The following SNAP47 variants were observed in gnomAD, a reference collection of about 807,000 sequenced individuals.
SNAP47 encodes the protein synaptosome associated protein 47.
SNAP47 carries 20 observed loss-of-function variants against 31.4 expected under a neutral mutation model. The ratio of observed to expected loss-of-function variants is 0.64; its 90% CI spans 0.45 to 0.93. The LOEUF is 0.93. SNAP47 is among the 40% of genes least tolerant of loss of function. The pLI is 0.00. For missense variants in SNAP47, 492 were observed against 528.5 expected (o/e 0.93, Z 0.68); for synonymous variants, 194 against 213.4 (o/e 0.91, Z 0.79).
At chr1:227,760,129 G>A (rs1662971064) in intron 3 of SNAP47, among the ~76,000 whole-genome samples, 1 of 152,204 alleles carries the variant, frequency 6.6e-6, no homozygotes, top group South Asian at 2.1e-4. Flanking sequence ...CTCAGTTATG[G>A]TGATGCAGAA....
intron 3 of SNAP47, among the ~76,000 whole-genome samples, chr1:227,764,188 C>T (rs1473441751): frequency 2.0e-5 from 3 of 152,182 alleles, no homozygotes; most frequent in Admixed American, 2.0e-4. Context: ...CCTTACAGAA[C>T]CAAATTAAGC....
rs912035131 is a variant in SNAP47, at chr1:227,776,141, C to T, written c.1114-4386C>T. 2.9e-5 allele frequency: 34 copies of T among 1,161,460 alleles called. 1 individual carries two copies. In the South Asian group the frequency reaches 4.2e-4, roughly 14 times the overall value. 71.9% of individuals were successfully genotyped at this position (1,161,460 alleles called of 1,614,324 possible). ...CCCTTCCTGGCTCTGACGCCCTCAG[C>T]GGGTCCCACAAGCCGCTCAGGACCA... is the stretch of plus-strand genomic sequence containing the variant. On this transcript the variant is annotated intron_variant, in intron 4 of 4. Coordinates refer to ENST00000617596, the MANE Select transcript of SNAP47 (RefSeq NM_053052.4).
chr1:227,758,763 T>A (rs1408442463), intron 2 of SNAP47, among the ~76,000 whole-genome samples: 1 of 151,284 alleles, frequency 6.6e-6, no homozygotes, highest in African/African-American at 2.4e-5. Context: ...GCTGTCTTTT[T>A]GCTGGTTGGC....
Position 227,759,459 on chromosome 1 carries a change from A to G in SNAP47, c.962A>G (p.Glu321Gly). The G allele has an allele frequency of 1.2e-6, 2 of 1,614,134 alleles. No individual in the cohort carries two copies. Among genetic ancestry groups the G allele is most frequent in the Non-Finnish European group, 1.7e-6 (2 of 1,180,008 alleles). The change falls in exon 3 of 5, where the codon GAG becomes GGG. Residue 321 changes from glutamate to glycine, a missense_variant. By Grantham distance (98) the Glu-to-Gly change is moderately conservative (BLOSUM62 -2). Coordinates refer to ENST00000617596, the MANE Select transcript of SNAP47 (RefSeq NM_053052.4). ...AGCGCAAGAACCTCTTCCCCCGCAG[A>G]GAAGAGCTGCTCAGTCTGGCATGCA... ...LRSARTSSPAEKSCSVWHAAS... is the reference protein window; with the variant it reads ...LRSARTSSPAGKSCSVWHAAS...
chr1:227,772,628 A>G (rs945198979), intron 4 of SNAP47, among the ~76,000 whole-genome samples: 7 of 152,140 alleles, frequency 4.6e-5, no homozygotes, highest in Admixed American at 4.6e-4. Context: ...ATCAAGGGAA[A>G]TGCTCTAAGA....
In SNAP47 at chr1:227,747,721, A is replaced by G; in HGVS notation, c.-16A>G. The G allele has an allele frequency of 4.4e-6, 7 of 1,608,726 alleles. No individual in the cohort carries two copies. The highest frequency in any genetic ancestry group is 6.0e-6 in the Non-Finnish European group (7 of 1,175,920). On this transcript the variant is annotated 5_prime_UTR_variant, in exon 2 of 5. Coordinates refer to ENST00000617596, the MANE Select transcript of SNAP47 (RefSeq NM_053052.4). ...AGAAGAGGCCTGGACCTTGGCGCAC[A>G]CAGACCCAGGAACAGATGAGCAGGG...
Position 227,759,319 on chromosome 1 carries a change from A to C in SNAP47, c.822A>C (p.Gly274=), listed in dbSNP as rs1212007827. 1 of 1,614,258 alleles carries C rather than the reference A, an allele frequency of 6.2e-7. No individual in the cohort carries two copies. The highest frequency in any genetic ancestry group is 1.1e-5 in the South Asian group (1 of 91,090). ...YEISIRQRFI[G]KPDMAYRLIS... ...TTAGCATCCGCCAGCGGTTTATTGG[A>C]AAGCCAGACATGGCCTATCGTTTGA... The change falls in exon 3 of 5, where the codon GGA becomes GGC. Residue 274 remains glycine, a synonymous_variant. Coordinates refer to ENST00000617596, the MANE Select transcript of SNAP47 (RefSeq NM_053052.4).
intron 4 of SNAP47, chr1:227,777,301 TG>T (rs1247278500): frequency 4.9e-6 from 1 of 202,788 alleles, no homozygotes; most frequent in African/African-American, 2.4e-5. Context: ...CACTCAGCCT[TG>T]CAGGGAAGGT....
intron 4 of SNAP47, among the ~76,000 whole-genome samples, chr1:227,775,376 C>T (rs942175826): frequency 1.3e-5 from 2 of 152,216 alleles, no homozygotes; most frequent in Non-Finnish European, 2.9e-5. Context: ...ATTCACAGTT[C>T]CTCAGTGAGT....
upstream of SNAP47, chr1:227,733,916 G>A (rs911002075): frequency 5.0e-6 from 8 of 1,613,506 alleles, no homozygotes; most frequent in African/African-American, 2.7e-5. Context: ...CCAGCTGCCC[G>A]CAGGCCCCGC....
chr1:227,769,041 G>A (rs896144702), intron 4 of SNAP47, among the ~76,000 whole-genome samples: 20 of 152,244 alleles, frequency 1.3e-4, no homozygotes, highest in Non-Finnish European at 2.5e-4. Context: ...AGACTCTCCT[G>A]TCACGTGTGG....
chr1:227,735,819 A>G (rs1215158327), intron 1 of SNAP47: 3 of 757,986 alleles, frequency 4.0e-6, no homozygotes, highest in Non-Finnish European at 4.8e-6. Flanking sequence ...GGGGACCTGG[A>G]GAGGACGGTG....
At chr1:227,730,636 T>C (rs1469781488), upstream of SNAP47, 1 of 152,252 alleles carries the variant, frequency 6.6e-6, no homozygotes, top group Non-Finnish European at 1.5e-5. Flanking sequence ...AAAAAGTGAC[T>C]GAGGCTAGCA....
At chr1:227,738,809 G>A (rs1258981247) in intron 1 of SNAP47, among the ~76,000 whole-genome samples, 1 of 152,168 alleles carries the variant, frequency 6.6e-6, no homozygotes, top group Non-Finnish European at 1.5e-5. Flanking sequence ...ATTCAGGTGG[G>A]CATTGCCTGG....
At position 227,780,797 on chromosome 1, in the gene SNAP47, G is replaced by A; in HGVS notation, c.*124G>A. On this transcript the variant is annotated 3_prime_UTR_variant, in exon 5 of 5. Transcript: ENST00000617596. ...GAGTGGTCTTCCTCTGGATGGGGCT[G>A]CTACTGTGGGGCTGCTTCTGCACCA... 7.4e-7 allele frequency: 1 copy of A among 1,359,542 alleles called. No individual in the cohort carries two copies. The allele number at this position is 1,359,542 out of a possible 1,614,324, so 84.2% of individuals were successfully genotyped here. A position where few individuals can be genotyped will look rare whatever the true frequency, so the allele number is the denominator to read the frequency against.
upstream of SNAP47, chr1:227,731,765 G>A (rs75661503): frequency 0.012 from 1,818 of 155,708 alleles, 36 homozygotes; most frequent in African/African-American, 0.041. Context: ...TTCAGCAGCA[G>A]ATGGGATTCC....
upstream of SNAP47, chr1:227,732,068 A>G: frequency 2.3e-6 from 1 of 435,006 alleles, no homozygotes; most frequent in Non-Finnish European, 4.2e-6. Flanking sequence ...GCCACCAGAG[A>G]AGGCACACCA....
At chr1:227,754,801 AC>A (rs1363720932) in intron 2 of SNAP47, among the ~76,000 whole-genome samples, 1 of 152,192 alleles carries the variant, frequency 6.6e-6, no homozygotes, top group Non-Finnish European at 1.5e-5. Flanking sequence ...TAAAACCAGG[AC>A]CTGTGAGAGG....
intron 4 of SNAP47, among the ~76,000 whole-genome samples, chr1:227,769,361 G>C (rs570623400): frequency 6.6e-6 from 1 of 152,082 alleles, no homozygotes; most frequent in East Asian, 1.9e-4. Flanking sequence ...GGTCAGATGC[G>C]GGCCCCCTTC....
Sources: gnomAD v4.1 joint callset for allele counts (sites outside exome capture counted in the v4.1 genomes callset) on GRCh38, gnomAD v4.1.1 for gene constraint, MANE v1.5 for transcripts, NCBI Gene and HGNC (gene_info 2026-07-23, HGNC 2026-07-21) for gene names.